NEDD4L: variants seen among roughly 807,000 people sequenced by gnomAD.
NEDD4L encodes the protein E3 ubiquitin-protein ligase NEDD4-like.
Under a neutral mutation model 148.9 loss-of-function variants are expected in NEDD4L, and 54 were observed. The ratio of observed to expected loss-of-function variants is 0.36; its 90% CI spans 0.29 to 0.45. The LOEUF is 0.45. NEDD4L is among the 20% of genes least tolerant of loss of function. The pLI, the probability that NEDD4L is intolerant of heterozygous loss-of-function variation, is 1.00. For missense variants in NEDD4L, 856 were observed against 1,233.8 expected, an observed-to-expected ratio of 0.69 and a Z score of 4.59; for synonymous variants, 433 against 440.7, an observed-to-expected ratio of 0.98 and a Z score of 0.22.
chr18:58,070,607 C>T (rs1328458481), intron 1 of NEDD4L, among the ~76,000 whole-genome samples: 3 of 151,966 alleles, frequency 2.0e-5, no homozygotes, highest in Admixed American at 1.3e-4. Context: ...TCTGCTGTGG[C>T]GATCTTGAGG....
rs371854932 is a variant in NEDD4L at position 58,085,753 on chromosome 18, CTG to C, written c.48+41047_48+41048del. Among the ~76,000 whole-genome samples, 352 of 152,306 alleles carry C rather than the reference CTG, an allele frequency of 2.3e-3. 2 individuals carry two copies. Among genetic ancestry groups the C allele is most frequent in the African/African-American group, 7.7e-3 (322 of 41,566 alleles). On this transcript the variant is annotated intron_variant, in intron 1 of 30. Transcript: ENST00000400345. Reference sequence around the variant, plus strand: ...ACAGCTTTCATAGCTCACTTCCAAACTGTATTTTTGCAACCAACTCTTTTTCT... The same window carrying C: ...ACAGCTTTCATAGCTCACTTCCAAACTATTTTTGCAACCAACTCTTTTTCT...
chr18:58,203,652 A>G (rs1388048431), intron 2 of NEDD4L, among the ~76,000 whole-genome samples: 1 of 151,824 alleles, frequency 6.6e-6, no homozygotes, highest in African/African-American at 2.4e-5. Flanking sequence ...CTATACCCAA[A>G]TTAGTAAATG....
At chr18:58,131,289 G>T (rs192666344) in intron 1 of NEDD4L, among the ~76,000 whole-genome samples, 2 of 142,832 alleles carry the variant, frequency 1.4e-5, no homozygotes, top group Admixed American at 1.4e-4. Flanking sequence ...TGTGGGTTTG[G>T]TTGTGATCTA....
rs568478191 is a variant in NEDD4L, at chr18:58,391,364, G to T, written c.2753-123G>T. 268 of 730,302 alleles carry T rather than the reference G, an allele frequency of 3.7e-4. 2 individuals carry two copies. The highest frequency in any genetic ancestry group is 6.8e-4 in the Admixed American group (33 of 48,348). 45.2% of individuals were successfully genotyped at this position (730,302 alleles called of 1,614,324 possible). A position where few individuals can be genotyped will look rare whatever the true frequency, so the allele number is the denominator to read the frequency against. On this transcript the variant is annotated intron_variant, in intron 29 of 30. Transcript: ENST00000400345. The stretch of plus-strand genomic sequence containing the variant: ...AATATCAATGTTGCAGCAGAAGAGA[G>T]TGTCTTGGGCCTCACCCCTGGGGGC...
At chr18:58,112,404 AT>A (rs1314229457) in intron 1 of NEDD4L, among the ~76,000 whole-genome samples, 1 of 128,814 alleles carries the variant, frequency 7.8e-6, no homozygotes, top group Non-Finnish European at 1.7e-5. Context: ...TTATTTATTT[AT>A]TTATTTTTGC....
chr18:58,320,650 A>C (rs542295361), intron 6 of NEDD4L, among the ~76,000 whole-genome samples: 32 of 152,290 alleles, frequency 2.1e-4, no homozygotes, highest in African/African-American at 7.0e-4. Flanking sequence ...CCCCATGTCT[A>C]TAAAAAATAA....
intron 1 of NEDD4L, among the ~76,000 whole-genome samples, chr18:58,061,998 A>G (rs1179181859): frequency 1.3e-5 from 2 of 152,134 alleles, no homozygotes; most frequent in Non-Finnish European, 2.9e-5. Flanking sequence ...TTGGCTATCC[A>G]TGGTATTAGA....
intron 2 of NEDD4L, among the ~76,000 whole-genome samples, chr18:58,205,745 A>C (rs75374486): frequency 0.022 from 3,347 of 152,098 alleles, 135 homozygotes; most frequent in African/African-American, 0.077. Flanking sequence ...AAAAAAAAAA[A>C]ACTCCCAAAC....
chr18:58,258,035 T>C (rs1018423553), intron 5 of NEDD4L, among the ~76,000 whole-genome samples: 10 of 152,246 alleles, frequency 6.6e-5, no homozygotes, highest in East Asian at 1.9e-4. Flanking sequence ...AAGTAAACTT[T>C]ATCACTCCTC....
At chr18:58,067,943 T>A (rs573780116) in intron 1 of NEDD4L, among the ~76,000 whole-genome samples, 1 of 152,222 alleles carries the variant, frequency 6.6e-6, no homozygotes, top group East Asian at 1.9e-4. Flanking sequence ...TTGCACTGTT[T>A]GGGAGAAGGG....
intron 1 of NEDD4L, among the ~76,000 whole-genome samples, chr18:58,123,764 A>T (rs931426489): frequency 6.6e-6 from 1 of 152,008 alleles, no homozygotes; most frequent in African/African-American, 2.4e-5. Flanking sequence ...TCATTGAGGA[A>T]AGAAGCCGTT....
At chr18:58,323,886 C>A (rs142479584) in intron 8 of NEDD4L, among the ~76,000 whole-genome samples, 1 of 152,164 alleles carries the variant, frequency 6.6e-6, no homozygotes, top group African/African-American at 2.4e-5. Context: ...TGGGTCCTAT[C>A]GTACCTTTTC....
At chr18:58,195,460 A>AACC in intron 2 of NEDD4L, 1 of 1,329,746 alleles carries the variant, frequency 7.5e-7, no homozygotes, top group Non-Finnish European at 9.9e-7. Context: ...AGCAGCTTCC[A>AACC]ACCCAGACAG....
chr18:58,340,899 A>G, intron 13 of NEDD4L, 139 bp from the exon 14 acceptor site: 1 of 825,554 alleles, frequency 1.2e-6, no homozygotes, highest in Non-Finnish European at 1.8e-6. Flanking sequence ...TTTTCCAGAC[A>G]CTTGTAAGTG....
chr18:58,266,296 A>C (rs2050211238), intron 5 of NEDD4L, among the ~76,000 whole-genome samples: 1 of 152,116 alleles, frequency 6.6e-6, no homozygotes, highest in South Asian at 2.1e-4. Flanking sequence ...GTGAAGGATG[A>C]TACATTTCTA....
chr18:58,299,504 C>G (rs1442767205), intron 5 of NEDD4L, among the ~76,000 whole-genome samples: 4 of 152,072 alleles, frequency 2.6e-5, no homozygotes, highest in Non-Finnish European at 5.9e-5. Flanking sequence ...TTTTTTAGTA[C>G]CTTTGTGTAT....
chr18:58,155,318 A>G (rs1306689464), intron 1 of NEDD4L, among the ~76,000 whole-genome samples: 1 of 152,038 alleles, frequency 6.6e-6, no homozygotes, highest in Non-Finnish European at 1.5e-5. Flanking sequence ...TAAGTTTAAA[A>G]AAAAAAAAAA....
chr18:58,195,923 C>A (rs560074490), intron 2 of NEDD4L, among the ~76,000 whole-genome samples: 1 of 152,144 alleles, frequency 6.6e-6, no homozygotes, highest in South Asian at 2.1e-4. Flanking sequence ...AATCAAAAGG[C>A]GGCACAGTGA....
At chr18:58,191,356 T>C (rs2040094630) in intron 2 of NEDD4L, among the ~76,000 whole-genome samples, 1 of 152,166 alleles carries the variant, frequency 6.6e-6, no homozygotes, top group South Asian at 2.1e-4. Flanking sequence ...CTAATCTCTG[T>C]AATGGGAAGC....
Sources: gnomAD v4.1 joint callset for allele counts (sites outside exome capture counted in the v4.1 genomes callset) on GRCh38, gnomAD v4.1.1 for gene constraint, MANE v1.5 for transcripts, NCBI Gene and HGNC (gene_info 2026-07-23, HGNC 2026-07-21) for gene names.